Variants in SEPTIN3 observed in about 807,000 individuals in gnomAD.
SEPTIN3 encodes the protein septin 3.
SEPTIN3 carries 15 observed loss-of-function variants against 45.1 expected under a neutral mutation model. That is an observed-to-expected ratio of 0.33 (90% CI 0.22 to 0.51). The LOEUF (loss-of-function observed/expected upper bound fraction) is 0.51. Ranked by LOEUF, SEPTIN3 falls within the 20% of genes least tolerant of loss-of-function variation. The pLI is 0.97. For missense variants in SEPTIN3, 289 were observed against 457.2 expected, an observed-to-expected ratio of 0.63 and a Z score of 3.35; for synonymous variants, 148 against 164.8, an observed-to-expected ratio of 0.90 and a Z score of 0.78.
chr22:41,983,289 A>C (rs1407746551), intron 3 of SEPTIN3, among the ~76,000 whole-genome samples: 1 of 152,222 alleles, frequency 6.6e-6, no homozygotes, highest in African/African-American at 2.4e-5. Flanking sequence ...CTCCTGAGGC[A>C]GACTTCTTAT....
Position 41,972,363 on chromosome 22 carries a change from C to A in SEPTIN3, c.871C>A (p.Leu291Met). ...TTTAGCCACACCAAACACATCCCAA[C>A]TGGACACAGGCACAGAGTTCCCTGC... ...INLATPNTSQ[L>M]DTGTEFPALD... Residue 291 changes from leucine to methionine, a missense_variant, in exon 2 of 12, where the codon CTG (leucine) becomes ATG (methionine). Coordinates refer to ENST00000644076, the MANE Select transcript of SEPTIN3 (RefSeq NM_001363845.2). The A allele has an allele frequency of 2.5e-6, 1 of 399,188 alleles. No individual in the cohort carries two copies. The highest frequency in any genetic ancestry group is 4.4e-6 in the Non-Finnish European group (1 of 226,126). The allele number at this position is 399,188 out of a possible 1,614,324, so 24.7% of individuals were successfully genotyped here.
chr22:41,981,510 G>A, intron 2 of SEPTIN3, 135 bp from the exon 3 acceptor site: 1 of 661,022 alleles, frequency 1.5e-6, no homozygotes, highest in South Asian at 2.0e-5. Context: ...GAGGGACCTG[G>A]ACTGGATGAT....
In SEPTIN3 at chr22:41,981,765, T is replaced by G; in HGVS notation, c.1625T>G (p.Ile542Ser). 6.2e-7 allele frequency: 1 copy of G among 1,614,072 alleles called. No homozygotes were observed. The highest frequency in any genetic ancestry group is 8.5e-7 in the Non-Finnish European group (1 of 1,179,998). ...INSNLLGYIG[I>S]DTIIEQMRKK... ...TCCAACCTGCTGGGCTACATCGGCA[T>G]CGACACCATCATCGAGCAGATGCGC... Residue 542 changes from isoleucine to serine, a missense_variant, in exon 3 of 12, where the codon ATC becomes AGC. Physicochemically the swap from Ile to Ser is moderately radical, Grantham distance 142. Around this residue, in one of 3 missense-constraint regions of SEPTIN3, gnomAD observed 200 missense variants for 315.1 expected, o/e 0.63. Transcript: ENST00000644076.
chr22:41,994,775 A>T lies in SEPTIN3; in HGVS notation c.2505+61A>T. 6.2e-7 allele frequency: 1 copy of T among 1,613,732 alleles called. No homozygotes were observed. Among genetic ancestry groups the T allele is most frequent in the Non-Finnish European group, 8.5e-7 (1 of 1,179,990 alleles). On this transcript the variant is annotated intron_variant, in intron 11 of 11. Transcript: ENST00000644076. The surrounding 1 kb of genome is among the most constrained non-coding windows in gnomAD (Gnocchi z 4.2). ...CCCATGACGACCACTTCTCTGTGTC[A>T]TCACACATACCCACTTCACACACAC...
At chr22:41,974,142 A>T (rs1240644077) in intron 2 of SEPTIN3, among the ~76,000 whole-genome samples, 1 of 52,264 alleles carries the variant, frequency 1.9e-5, no homozygotes, top group Non-Finnish European at 6.2e-5. Flanking sequence ...ACCCTGTCTC[A>T]AAAAAAAAAA....
intron 9 of SEPTIN3, among the ~76,000 whole-genome samples, chr22:41,993,032 T>C (rs1204365325): frequency 1.3e-5 from 2 of 152,148 alleles, no homozygotes; most frequent in African/African-American, 4.8e-5. Context: ...CTGGAAAAAC[T>C]GGAGAAAGGT....
At chr22:41,995,545 C>A in intron 11 of SEPTIN3, 1 of 985,192 alleles carries the variant, frequency 1.0e-6, no homozygotes. Context: ...TCTCCCTCTC[C>A]TGCGTGTCTC....
chr22:41,994,732 G>A lies in SEPTIN3; in HGVS notation c.2505+18G>A, dbSNP rs1028319031. 1 of 1,614,016 alleles carries A rather than the reference G, an allele frequency of 6.2e-7. No individual in the cohort carries two copies. Among genetic ancestry groups the A allele is most frequent in the African/African-American group, 1.3e-5 (1 of 74,914 alleles). On this transcript the variant is annotated intron_variant, in intron 11 of 11. Coordinates refer to ENST00000644076, the MANE Select transcript of SEPTIN3 (RefSeq NM_001363845.2). The surrounding 1 kb of genome is among the most constrained non-coding windows in gnomAD (Gnocchi z 4.2). ...TCCCTCCGGTGAGCGTGGACACAGA[G>A]GAAAGCCACGACAGTAACCCATGAC...
chr22:41,974,268 G>A (rs2077991134), intron 2 of SEPTIN3, among the ~76,000 whole-genome samples: 1 of 152,006 alleles, frequency 6.6e-6, no homozygotes, highest in African/African-American at 2.4e-5. Flanking sequence ...GAATAATCAG[G>A]TGATCAATAG....
intron 11 of SEPTIN3, chr22:41,995,582 A>T (rs1442112493): frequency 1.0e-6 from 1 of 985,306 alleles, no homozygotes; most frequent in East Asian, 1.1e-4. Context: ...CTTTTAGATG[A>T]ATCTACTTTA....
intron 2 of SEPTIN3, among the ~76,000 whole-genome samples, chr22:41,980,608 A>G (rs552899333): frequency 6.6e-6 from 1 of 152,098 alleles, no homozygotes; most frequent in Non-Finnish European, 1.5e-5. Context: ...CCATACCCCA[A>G]TTGTATGGAT....
chr22:41,992,717 T>A lies in SEPTIN3; in HGVS notation c.2313T>A (p.Asn771Lys). 6.2e-7 allele frequency: 1 copy of A among 1,612,758 alleles called. No individual in the cohort carries two copies. The highest frequency in any genetic ancestry group is 8.5e-7 in the Non-Finnish European group (1 of 1,179,508). ...VVGSDKEYQVNGKRVLGRKTP... is the reference protein window; with the variant it reads ...VVGSDKEYQVKGKRVLGRKTP... ...GAAGTGACAAGGAGTACCAAGTGAA[T>A]GGCAAGAGGGTCCTCGGCCGAAAAA... Residue 771 changes from asparagine (N) to lysine (K), a missense_variant, in exon 9 of 12, where the codon AAT (asparagine) becomes AAA (lysine). This residue lies in a region of SEPTIN3 where 84 missense variants were observed against 114.7 expected (regional missense o/e 0.73). Transcript: ENST00000644076.
intron 1 of SEPTIN3, among the ~76,000 whole-genome samples, chr22:41,971,149 C>T (rs1227768459): frequency 1.3e-5 from 2 of 152,204 alleles, no homozygotes; most frequent in Non-Finnish European, 2.9e-5. Context: ...AGGGGCCACA[C>T]TCAGGCCCAG....
intron 3 of SEPTIN3, among the ~76,000 whole-genome samples, chr22:41,982,915 A>AG (rs1439158827): frequency 6.6e-6 from 1 of 151,910 alleles, no homozygotes; most frequent in Non-Finnish European, 1.5e-5. Context: ...GAAAAAAAAA[A>AG]GAGTAGGAAG....
At chr22:41,978,496 C>A (rs1447536511) in intron 2 of SEPTIN3, among the ~76,000 whole-genome samples, 1 of 152,188 alleles carries the variant, frequency 6.6e-6, no homozygotes, top group East Asian at 1.9e-4. Flanking sequence ...GTCACCCAGC[C>A]AGGATTCAAG....
At chr22:41,971,377 G>A (rs1002090412) in intron 1 of SEPTIN3, 97 bp from the exon 2 acceptor site, 6 of 397,828 alleles carry the variant, frequency 1.5e-5, no homozygotes, top group African/African-American at 8.2e-5. Context: ...CTTCAGACCC[G>A]GCATGCTCAG....
At position 41,972,812 on chromosome 22, in the gene SEPTIN3, A is replaced by T. The variant is rs1311905703; in HGVS notation, c.1320A>T (p.Pro440=). The change falls in exon 2 of 12, where the codon CCA becomes CCT. Residue 440 remains proline, a synonymous_variant. Coordinates refer to ENST00000644076, the MANE Select transcript of SEPTIN3 (RefSeq NM_001363845.2). ...GCACAGCTGTGGGTTCAGTTGTGCC[A>T]GTAACCCCAGACCCAGCCACTGGGA... ...RMGTAVGSVV[P]VTPDPATGKT... 3.5e-5 allele frequency: 14 copies of T among 399,048 alleles called. No individual in the cohort carries two copies. The highest frequency in any genetic ancestry group is 4.4e-6 in the Non-Finnish European group (1 of 226,166). The allele number at this position is 399,048 out of a possible 1,614,324, so 24.7% of individuals were successfully genotyped here.
chr22:41,988,684 A>G (rs899741986), intron 6 of SEPTIN3, among the ~76,000 whole-genome samples: 2 of 152,154 alleles, frequency 1.3e-5, no homozygotes, highest in African/African-American at 4.8e-5. Context: ...AGATTGCAAA[A>G]TAGAGCCAAG....
Position 41,994,337 on chromosome 22 carries a change from A to G in SEPTIN3, c.2407A>G (p.Ile803Val). 1.2e-6 allele frequency: 2 copies of G among 1,614,072 alleles called. No homozygotes were observed. The highest frequency in any genetic ancestry group is 4.5e-5 in the East Asian group (2 of 44,890). Residue 803 changes from isoleucine (I) to valine (V), a missense_variant, in exon 10 of 12, where the codon ATC (isoleucine) becomes GTC (valine). Physicochemically the swap from Ile to Val is conservative, Grantham distance 29. Coordinates refer to ENST00000644076, the MANE Select transcript of SEPTIN3 (RefSeq NM_001363845.2). The surrounding 1 kb of genome is among the most constrained non-coding windows in gnomAD (Gnocchi z 4.2). The stretch of plus-strand genomic sequence containing the variant: ...GTTTGCCCTGCTTCGAGACTTTGTC[A>G]TCAGGTAAGATGTCTCCCCTCCAGC... ...CEFALLRDFV[I>V]RTHLQDLKEV...
Sources: gnomAD v4.1 joint callset for allele counts (sites outside exome capture counted in the v4.1 genomes callset) on GRCh38, gnomAD v4.1.1 for gene constraint, gnomAD v4.1.1 regional missense constraint, Gnocchi (gnomAD v3.1) non-coding constraint, MANE v1.5 for transcripts, NCBI Gene and HGNC (gene_info 2026-07-23, HGNC 2026-07-21) for gene names.